The following FHL1 variants were observed in gnomAD, a reference collection of about 807,000 sequenced individuals.
FHL1 encodes four and a half LIM domains 1, also known as four and a half LIM domains protein 1.
Under a neutral mutation model 20.3 loss-of-function variants are expected in FHL1, and 1 was observed. The ratio of observed to expected loss-of-function variants is 0.05; its 90% CI spans 0.02 to 0.23. The LOEUF (loss-of-function observed/expected upper bound fraction) is 0.23. Ranked by LOEUF, FHL1 falls within the 10% of genes least tolerant of loss-of-function variation. The pLI, the probability that FHL1 is intolerant of heterozygous loss-of-function variation, is 1.00. For missense variants in FHL1, 177 were observed against 234.0 expected (o/e 0.76, Z 1.59); for synonymous variants, 82 against 88.9 (o/e 0.92, Z 0.44).
intron 2 of FHL1, among the ~76,000 whole-genome samples, chrX:136,189,965 T>C (rs2073394978): frequency 1.8e-5 from 2 of 112,304 alleles, no homozygotes; most frequent in Non-Finnish European, 3.8e-5. Context: ...AAAATAGTTA[T>C]GGTCCAGTCT....
chrX:136,202,186 G>A (rs1039503162), intron 1 of FHL1, among the ~76,000 whole-genome samples: 7 of 110,554 alleles, frequency 6.3e-5, no homozygotes, highest in Admixed American at 9.6e-5. Context: ...CCGACATGGC[G>A]AAACCCCGTC....
intron 1 of FHL1, among the ~76,000 whole-genome samples, chrX:136,164,479 T>C (rs2072660253): frequency 8.9e-6 from 1 of 111,759 alleles, no homozygotes; most frequent in African/African-American, 3.3e-5. Flanking sequence ...CTTGCCTCTA[T>C]TCTATTTTCG....
chrX:136,176,940 C>A (rs1215755372), intron 2 of FHL1, among the ~76,000 whole-genome samples: 1 of 108,165 alleles, frequency 9.2e-6, no homozygotes, highest in Non-Finnish European at 1.9e-5. Flanking sequence ...AATCTCTAGT[C>A]TTTGATTCTT....
rs1162835610 is a variant in FHL1 at position 136,207,000 on chromosome X, T to C, written c.205-16T>C. ...GCACCCCTCATGGTGGCCCACCCTG[T>C]CTGCTTGGTTTCCAGGAGGTGCACT... On this transcript the variant is annotated splice_polypyrimidine_tract_variant and intron_variant, in intron 2 of 5. Transcript: ENST00000370683. 8.3e-7 allele frequency: 1 copy of C among 1,210,254 alleles called. No individual in the cohort carries two copies. The highest frequency in any genetic ancestry group is 3.0e-5 in the East Asian group (1 of 33,782).
intron 1 of FHL1, among the ~76,000 whole-genome samples, chrX:136,198,095 A>C (rs770304583): frequency 9.0e-6 from 1 of 110,568 alleles, no homozygotes; most frequent in Non-Finnish European, 1.9e-5. Flanking sequence ...GCCCTACCTT[A>C]ATGAATTAAT....
intron 1 of FHL1, among the ~76,000 whole-genome samples, chrX:136,163,705 A>G (rs2072635901): frequency 8.9e-6 from 1 of 111,962 alleles, no homozygotes; most frequent in Non-Finnish European, 1.9e-5. Context: ...CTCTAGATGC[A>G]TCTGGCAAAA....
intron 2 of FHL1, among the ~76,000 whole-genome samples, chrX:136,173,064 C>T (rs192005718): frequency 3.3e-3 from 374 of 112,649 alleles, no homozygotes; most frequent in African/African-American, 0.011. Flanking sequence ...GGTGTGTCCC[C>T]TTTTAATACA....
intron 2 of FHL1, among the ~76,000 whole-genome samples, chrX:136,181,700 T>C (rs1478681577): frequency 1.8e-5 from 2 of 112,094 alleles, no homozygotes; most frequent in African/African-American, 6.5e-5. Context: ...CTGCAGTCAG[T>C]TTTTAAAGGT....
rs771058927 is a variant in FHL1 at position 136,173,115 on chromosome X, A to G, written c.-27+3135A>G. 5.9e-4 allele frequency among the ~76,000 whole-genome samples: 66 copies of G among 112,679 alleles called. 1 individual carries two copies. Among genetic ancestry groups the G allele is most frequent in the African/African-American group, 2.1e-3 (66 of 31,059 alleles). Reference sequence around the variant, plus strand: ...AAACTTTATTATTCAGAAACTTAGAATTATTCCATTTGGCTGCCTTTTAGT... The same window carrying G: ...AAACTTTATTATTCAGAAACTTAGAGTTATTCCATTTGGCTGCCTTTTAGT... On this transcript the variant is annotated intron_variant, in intron 2 of 6. Coordinates refer to the FHL1 transcript ENST00000394153.
intron 2 of FHL1, among the ~76,000 whole-genome samples, chrX:136,171,014 C>T (rs1443452611): frequency 9.0e-6 from 1 of 111,670 alleles, no homozygotes; most frequent in Non-Finnish European, 1.9e-5. Flanking sequence ...TGTATTAAAC[C>T]TTAAAGAGTA....
intron 1 of FHL1, among the ~76,000 whole-genome samples, chrX:136,204,198 C>T (rs1402490511): frequency 3.6e-5 from 4 of 112,663 alleles, no homozygotes; most frequent in Non-Finnish European, 5.6e-5. Flanking sequence ...TTATTTCTTG[C>T]CACTTGCCGT....
At chrX:136,195,418 T>G (rs950227995), upstream of FHL1, among the ~76,000 whole-genome samples, 1 of 112,502 alleles carries the variant, frequency 8.9e-6, no homozygotes, top group Non-Finnish European at 1.9e-5. Flanking sequence ...AGTTTCAGTT[T>G]ATTTTAGGGG....
chrX:136,196,880 T>A, upstream of FHL1: 1 of 1,157,783 alleles, frequency 8.6e-7, no homozygotes, highest in Non-Finnish European at 1.2e-6. Context: ...ATATGTAGCG[T>A]TTGGTATTTT....
chrX:136,150,886 T>C (rs2072247905), intron 1 of FHL1, among the ~76,000 whole-genome samples: 1 of 112,368 alleles, frequency 8.9e-6, no homozygotes, highest in Non-Finnish European at 1.9e-5. Flanking sequence ...TATTACTGTA[T>C]AGAGTAGGGA....
At chrX:136,189,552 A>G (rs181170504) in intron 2 of FHL1, among the ~76,000 whole-genome samples, 5 of 111,753 alleles carry the variant, frequency 4.5e-5, no homozygotes, top group African/African-American at 1.6e-4. Flanking sequence ...GGTCGGCCAC[A>G]TTTTTAGCGT....
At chrX:136,173,696 CTTTTTTT>C (rs971227072) in intron 2 of FHL1, among the ~76,000 whole-genome samples, 3 of 94,926 alleles carry the variant, frequency 3.2e-5, no homozygotes, top group Non-Finnish European at 4.3e-5. Flanking sequence ...TGTTTCTTTT[CTTTTTTT>C]TTTTTTTTTT....
upstream of FHL1, among the ~76,000 whole-genome samples, chrX:136,195,344 A>T (rs2073530525): frequency 8.9e-6 from 1 of 112,592 alleles, no homozygotes; most frequent in Admixed American, 9.4e-5. Context: ...TTGCTAAAAT[A>T]AAAAATTCAG....
upstream of FHL1, chrX:136,196,983 A>G: frequency 3.9e-6 from 4 of 1,026,534 alleles, no homozygotes; most frequent in South Asian, 2.0e-5. Flanking sequence ...GGGGTGGGAC[A>G]TCTGCTCTCG....
rs1353059200 is a variant in FHL1 at position 136,210,033 on chromosome X, G to T, written c.*8G>T. The T allele has an allele frequency of 8.3e-7, 1 of 1,211,085 alleles. No homozygotes were observed. The highest frequency in any genetic ancestry group is 1.8e-5 in the South Asian group (1 of 56,950). On this transcript the variant is annotated 3_prime_UTR_variant, in exon 6 of 6. Coordinates refer to ENST00000370683, the MANE Select transcript of FHL1 (RefSeq NM_001159699.2). ...TGTGCCAAAAAGCTGTAAACTGACA[G>T]GGGCTCCTGTCCTGTAAAATGGCAT...
Sources: allele counts gnomAD v4.1 joint callset (sites outside exome capture counted in the v4.1 genomes callset), GRCh38; gene constraint gnomAD v4.1.1; transcripts MANE v1.5; gene names NCBI Gene and HGNC (gene_info 2026-07-23, HGNC 2026-07-21).